The following PTPRD variants were observed in gnomAD, a reference collection of about 807,000 sequenced individuals.
PTPRD encodes the protein protein tyrosine phosphatase receptor type D.
A neutral mutation model predicts 214.5 loss-of-function variants in PTPRD; 34 were observed. The observed-to-expected ratio is 0.16, with a 90% CI of 0.12 to 0.21. The LOEUF (loss-of-function observed/expected upper bound fraction) is 0.21, where lower values mean the gene tolerates loss of function less well. Ranked by LOEUF, PTPRD falls within the 10% of genes least tolerant of loss-of-function variation. The pLI is 1.00. For missense variants in PTPRD, 2,545 were observed against 2,398.7 expected, an observed-to-expected ratio of 1.06 and a Z score of -1.27; for synonymous variants, 1,128 against 845.7, an observed-to-expected ratio of 1.33 and a Z score of -5.79.
chr9:9,324,319 A>G (rs926397522), intron 9 of PTPRD, among the ~76,000 whole-genome samples: 1 of 152,100 alleles, frequency 6.6e-6, no homozygotes, highest in Non-Finnish European at 1.5e-5. Flanking sequence ...GTGTAAAAGC[A>G]TTCCTGTTTC....
In PTPRD at chr9:9,188,533, T is replaced by C. The variant is rs16929043; in HGVS notation, c.-202-5170A>G. On this transcript the variant is annotated intron_variant, in intron 9 of 45. Transcript: ENST00000381196. ...CTTTGCCAATAGTTGGTAGAAGTTA[T>C]TTGCTTTGAAAGTCTAAGCTTGGTT... 1.8e-3 allele frequency among the ~76,000 whole-genome samples: 278 copies of C among 152,212 alleles called. 3 individuals carry two copies. The East Asian group carries it at 0.033, about 18-fold the overall frequency.
intron 3 of PTPRD, among the ~76,000 whole-genome samples, chr9:10,069,832 G>C (rs902549040): frequency 3.3e-5 from 5 of 151,848 alleles, no homozygotes; most frequent in Admixed American, 6.6e-5. Flanking sequence ...TCTGTATCTT[G>C]CTTCAATTTT....
chr9:9,676,768 C>T (rs921006826), intron 7 of PTPRD, among the ~76,000 whole-genome samples: 2 of 152,106 alleles, frequency 1.3e-5, no homozygotes, highest in African/African-American at 4.8e-5. Flanking sequence ...CCTATTTCTC[C>T]ACATCCTCTC....
chr9:9,897,564 C>T (rs1046084902), intron 5 of PTPRD, among the ~76,000 whole-genome samples: 2 of 151,822 alleles, frequency 1.3e-5, no homozygotes, highest in African/African-American at 4.8e-5. Context: ...TTAAAATACC[C>T]CCATAGGAGT....
intron 7 of PTPRD, among the ~76,000 whole-genome samples, chr9:9,628,997 C>T (rs1410042375): frequency 6.6e-6 from 1 of 151,500 alleles, no homozygotes; most frequent in Non-Finnish European, 1.5e-5. Context: ...CATGGTGAAA[C>T]CCCATCTCTA....
At chr9:9,290,964 C>G (rs1396754128) in intron 9 of PTPRD, among the ~76,000 whole-genome samples, 1 of 151,318 alleles carries the variant, frequency 6.6e-6, no homozygotes, top group African/African-American at 2.4e-5. Context: ...GAGCTCTAAC[C>G]AAGATCTTAG....
intron 11 of PTPRD, among the ~76,000 whole-genome samples, chr9:8,782,830 G>C (rs575565820): frequency 1.3e-5 from 2 of 151,916 alleles, no homozygotes; most frequent in Non-Finnish European, 2.9e-5. Flanking sequence ...TCCTGACCTC[G>C]TGATCTGCCC....
intron 14 of PTPRD, among the ~76,000 whole-genome samples, chr9:8,544,523 G>T (rs1405297275): frequency 7.1e-6 from 1 of 141,194 alleles, no homozygotes; most frequent in Non-Finnish European, 1.5e-5. Flanking sequence ...AGGCTGAAGT[G>T]CAGGGACGTG....
At chr9:10,143,791 A>G (rs2099004103) in intron 3 of PTPRD, among the ~76,000 whole-genome samples, 1 of 152,124 alleles carries the variant, frequency 6.6e-6, no homozygotes, top group African/African-American at 2.4e-5. Flanking sequence ...TCCTAAGCAA[A>G]CTAACACAGA....
At chr9:8,498,198 T>C (rs1230549434) in intron 25 of PTPRD, among the ~76,000 whole-genome samples, 2 of 152,142 alleles carry the variant, frequency 1.3e-5, no homozygotes, top group Non-Finnish European at 2.9e-5. Flanking sequence ...CTTCTGAGAG[T>C]TGACTTGTAT....
At chr9:10,071,796 A>T (rs974407071) in intron 3 of PTPRD, among the ~76,000 whole-genome samples, 2 of 152,040 alleles carry the variant, frequency 1.3e-5, no homozygotes, top group Non-Finnish European at 2.9e-5. Context: ...CAGGGAAAAA[A>T]AACAGAGATA....
At chr9:8,354,432 G>A (rs1425613670) in intron 39 of PTPRD, among the ~76,000 whole-genome samples, 1 of 152,100 alleles carries the variant, frequency 6.6e-6, no homozygotes, top group Non-Finnish European at 1.5e-5. Context: ...TTAAATAATA[G>A]TAATGTTTCT....
intron 8 of PTPRD, among the ~76,000 whole-genome samples, chr9:9,499,377 T>A (rs2096321329): frequency 6.6e-6 from 1 of 152,068 alleles, no homozygotes; most frequent in Admixed American, 6.6e-5. Context: ...CACTCACCAC[T>A]CTGTATTTTC....
intron 12 of PTPRD, among the ~76,000 whole-genome samples, chr9:8,676,896 T>C (rs998146639): frequency 2.0e-5 from 3 of 152,110 alleles, no homozygotes; most frequent in Non-Finnish European, 2.9e-5. Context: ...TATTTTGTTG[T>C]TGTTAAAAAA....
chr9:9,512,938 AT>A (rs2096744191), intron 8 of PTPRD, among the ~76,000 whole-genome samples: 1 of 151,648 alleles, frequency 6.6e-6, no homozygotes, highest in Non-Finnish European at 1.5e-5. Flanking sequence ...ATTTTCATGC[AT>A]TCTTTCAATG....
intron 8 of PTPRD, among the ~76,000 whole-genome samples, chr9:9,517,213 C>G (rs762789876): frequency 6.6e-6 from 1 of 152,036 alleles, no homozygotes; most frequent in East Asian, 1.9e-4. Context: ...CCTAAGGAGA[C>G]TCTCTGTGTA....
At chr9:9,730,790 G>A (rs1427560723) in intron 7 of PTPRD, among the ~76,000 whole-genome samples, 1 of 152,060 alleles carries the variant, frequency 6.6e-6, no homozygotes, top group Non-Finnish European at 1.5e-5. Flanking sequence ...CATCTCTAAA[G>A]TGATATTAAA....
At chr9:8,827,335 G>A (rs925299375) in intron 11 of PTPRD, among the ~76,000 whole-genome samples, 1 of 152,094 alleles carries the variant, frequency 6.6e-6, no homozygotes, top group African/African-American at 2.4e-5. Flanking sequence ...GACCAGGTGA[G>A]GTGGCTCATG....
chr9:8,520,450 T>C (rs893928950), intron 20 of PTPRD, among the ~76,000 whole-genome samples: 2 of 152,174 alleles, frequency 1.3e-5, no homozygotes, highest in African/African-American at 4.8e-5. Flanking sequence ...CTTGTACTTC[T>C]TACTTGCTGC....
Sources: allele counts gnomAD v4.1 joint callset (sites outside exome capture counted in the v4.1 genomes callset), GRCh38; gene constraint gnomAD v4.1.1; transcripts MANE v1.5; gene names NCBI Gene and HGNC (gene_info 2026-07-23, HGNC 2026-07-21).